SMG5: variants seen among roughly 807,000 people sequenced by gnomAD.
The protein encoded by SMG5 is nonsense-mediated mRNA decay factor SMG5.
A neutral mutation model predicts 122.9 loss-of-function variants in SMG5; 53 were observed. The ratio of observed to expected loss-of-function variants is 0.43; its 90% CI spans 0.35 to 0.54. SMG5 has a LOEUF of 0.54. Ranked by LOEUF, SMG5 falls within the 20% of genes least tolerant of loss-of-function variation. The pLI is 0.01. For synonymous variants in SMG5, 477 were observed against 490.2 expected (o/e 0.97, Z 0.35); for missense variants, 1,153 against 1,285.6 (o/e 0.90, Z 1.58).
rs771353699 is a variant in SMG5, at chr1:156,263,507, C to T, written c.1919G>A (p.Arg640His). 2.8e-5 allele frequency: 45 copies of T among 1,614,140 alleles called. No homozygotes were observed. Among genetic ancestry groups the T allele is most frequent in the African/African-American group, 8.0e-5 (6 of 74,944 alleles). The change falls in exon 13 of 22, where the codon CGC (arginine) becomes CAC (histidine). Residue 640 changes from arginine (R) to histidine (H), a missense_variant. By Grantham distance (29) the Arg-to-His change is conservative. This residue lies in a region of SMG5 where 631 missense variants were observed against 650.6 expected (regional missense o/e 0.97). Coordinates refer to ENST00000361813, the MANE Select transcript of SMG5 (RefSeq NM_015327.3). The stretch of plus-strand genomic sequence containing the variant: ...GACCTGAAGCTTCTCCTGGATGCTG[C>T]GCTCATTCCGACAGGAGCGTCCACT... The part of the protein sequence containing the change: ...ESSGRSCRNE[R>H]SIQEKLQVLM...
rs565176850 is a variant in SMG5 at position 156,274,776 on chromosome 1, G to A, written c.455-90C>T. On this transcript the variant is annotated intron_variant, in intron 4 of 21. Transcript: ENST00000361813. ...TACCCCTCCGAGATGTAGAGACTAA[G>A]AATCCAGGGCCAGTCTTGGAACATT... 8 of 999,008 alleles carry A rather than the reference G, an allele frequency of 8.0e-6. No homozygotes were observed. In the African/African-American group the frequency reaches 1.1e-4, roughly 14 times the overall value. 61.9% of individuals were successfully genotyped at this position (999,008 alleles called of 1,614,324 possible). A position where few individuals can be genotyped will look rare whatever the true frequency, so the allele number is the denominator to read the frequency against.
chr1:156,278,163 C>T, intron 2 of SMG5, 115 bp from the exon 3 acceptor site: 1 of 1,359,042 alleles, frequency 7.4e-7, no homozygotes, highest in Non-Finnish European at 1.0e-6. Context: ...CGGTGCTTCC[C>T]AAGAGACATG....
Position 156,261,359 on chromosome 1 carries a change from G to A in SMG5, c.2081C>T (p.Pro694Leu). Reference sequence around the variant, plus strand: ...AGACTCCTGGAGTTCACCAGCAGCAGGCAACAGATTCAGCAACACAGACAG... The same window carrying A: ...AGACTCCTGGAGTTCACCAGCAGCAAGCAACAGATTCAGCAACACAGACAG... Reference protein sequence around the residue: ...NRLSVLLNLLPAAGELQESGL... With the variant: ...NRLSVLLNLLLAAGELQESGL... Residue 694 changes from proline to leucine, a missense_variant, in exon 14 of 22, where the codon CCT becomes CTT. Pro to Leu is a moderately conservative substitution (Grantham distance 98). Transcript: ENST00000361813. The A allele has an allele frequency of 6.2e-7, 1 of 1,614,192 alleles. No homozygotes were observed.
At chr1:156,285,229 G>A (rs756975602), upstream of SMG5, 13 of 1,528,230 alleles carry the variant, frequency 8.5e-6, no homozygotes, top group Admixed American at 2.9e-4. Context: ...GCCCCAGGAT[G>A]ACAGAACAGG....
At chr1:156,267,373 CT>C in intron 10 of SMG5, 96 bp downstream of exon 10, 1 of 1,264,840 alleles carries the variant, frequency 7.9e-7, no homozygotes, top group Admixed American at 1.9e-5. Flanking sequence ...GAAGAGGCTG[CT>C]TGTGGAAGGA....
chr1:156,269,511 C>T (rs1304664730), intron 7 of SMG5, among the ~76,000 whole-genome samples: 3 of 151,052 alleles, frequency 2.0e-5, no homozygotes, highest in Admixed American at 6.6e-5. Flanking sequence ...CTGAGGCGGG[C>T]GTATCAAGAG....
rs755043869 is a variant in SMG5, at chr1:156,263,479, C to T, written c.1947G>A (p.Leu649=). The change falls in exon 13 of 22, where the codon CTG becomes CTA. Residue 649 remains leucine (L), a synonymous_variant. Coordinates refer to ENST00000361813, the MANE Select transcript of SMG5 (RefSeq NM_015327.3). Reference sequence around the variant, plus strand: ...CAGCAGGAAGCAGACCTTCGGCCATCAGGACCTGAAGCTTCTCCTGGATGC... The same window carrying T: ...CAGCAGGAAGCAGACCTTCGGCCATTAGGACCTGAAGCTTCTCCTGGATGC... ...ERSIQEKLQV[L]MAEGLLPAVK... 6.2e-7 allele frequency: 1 copy of T among 1,614,272 alleles called. No individual in the cohort carries two copies. Among genetic ancestry groups the T allele is most frequent in the Non-Finnish European group, 8.5e-7 (1 of 1,180,050 alleles).
chr1:156,261,289 A>G, intron 14 of SMG5, 44 bp downstream of exon 14: 1 of 1,585,716 alleles, frequency 6.3e-7, no homozygotes. Flanking sequence ...AGTGGGGACA[A>G]TGAGAGAGCA....
chr1:156,275,280 A>G (rs1462095551), intron 4 of SMG5, among the ~76,000 whole-genome samples: 1 of 152,096 alleles, frequency 6.6e-6, no homozygotes, highest in Non-Finnish European at 1.5e-5. Flanking sequence ...CATGAAGGAG[A>G]AAAGTGGGCT....
At chr1:156,256,453 G>A (rs1292798349) in intron 16 of SMG5, among the ~76,000 whole-genome samples, 1 of 151,892 alleles carries the variant, frequency 6.6e-6, no homozygotes, top group Non-Finnish European at 1.5e-5. Flanking sequence ...AAGCAAGGGA[G>A]GCACCATAGA....
chr1:156,287,719 C>T (rs1245905846), upstream of SMG5, among the ~76,000 whole-genome samples: 1 of 150,204 alleles, frequency 6.7e-6, no homozygotes, highest in African/African-American at 2.5e-5. Context: ...TGGGTTCAAG[C>T]GATTCTCCTG....
At chr1:156,268,898 A>T (rs779837448) in intron 7 of SMG5, among the ~76,000 whole-genome samples, 7 of 152,196 alleles carry the variant, frequency 4.6e-5, no homozygotes, top group Non-Finnish European at 7.3e-5. Context: ...GAGGACACAT[A>T]GCCTGTGAGA....
chr1:156,269,735 CGT>C (rs1662315713), intron 7 of SMG5, among the ~76,000 whole-genome samples: 2 of 152,124 alleles, frequency 1.3e-5, no homozygotes, highest in South Asian at 2.1e-4. Context: ...ATTAGCCGGG[CGT>C]GTTGGCAGGC....
chr1:156,289,092 T>C, the SMG5 span, among the ~76,000 whole-genome samples: 5 of 152,336 alleles, frequency 3.3e-5, no homozygotes, highest in Admixed American at 1.3e-4. Context: ...ACAAGTTCAT[T>C]AAGCAGTTTG....
intron 7 of SMG5, among the ~76,000 whole-genome samples, chr1:156,271,349 A>G (rs1380157999): frequency 1.3e-5 from 2 of 152,200 alleles, no homozygotes; most frequent in Non-Finnish European, 2.9e-5. Flanking sequence ...AGCTCATTAT[A>G]TAACTTCTTC....
rs758128721 is a variant in SMG5, at chr1:156,266,042, C to T, written c.1594G>A (p.Glu532Lys). ...RSDLEDMEEE[E>K]GTRSPTLEPP... ...TCCAGGGTTGGTGACCGTGTCCCCT[C>T]CTCTTCCTCCATATCTTCCAAGTCT... Residue 532 changes from glutamate to lysine, a missense_variant, in exon 12 of 22, where the codon GAG becomes AAG. Around this residue, in one of 5 missense-constraint regions of SMG5, gnomAD observed 631 missense variants for 650.6 expected, o/e 0.97. Transcript: ENST00000361813. 4 of 1,614,202 alleles carry T rather than the reference C, an allele frequency of 2.5e-6. No individual in the cohort carries two copies. The highest frequency in any genetic ancestry group is 2.5e-6 in the Non-Finnish European group (3 of 1,180,038).
rs373047075 is a variant in SMG5 at position 156,253,128 on chromosome 1, G to A, written c.2503-50C>T. Reference sequence around the variant, plus strand: ...ACAGCTGTGGGGGACCCCTGCAGCCGGGCCGGGGGAAGAGTGGTGCTCAAG... The same window carrying A: ...ACAGCTGTGGGGGACCCCTGCAGCCAGGCCGGGGGAAGAGTGGTGCTCAAG... On this transcript the variant is annotated intron_variant, in intron 17 of 21. Transcript: ENST00000361813. 1.6e-4 allele frequency: 237 copies of A among 1,514,750 alleles called. 1 individual carries two copies. Among genetic ancestry groups the A allele is most frequent in the East Asian group, 8.1e-4 (35 of 43,392 alleles). The allele number at this position is 1,514,750 out of a possible 1,614,324, so 93.8% of individuals were successfully genotyped here. A position where few individuals can be genotyped will look rare whatever the true frequency, so the allele number is the denominator to read the frequency against.
Position 156,249,752 on chromosome 1 carries a change from C to G in SMG5, c.*835G>C, listed in dbSNP as rs1335163336. 6.4e-6 allele frequency: 3 copies of G among 470,690 alleles called. No individual in the cohort carries two copies. Among genetic ancestry groups the G allele is most frequent in the South Asian group, 1.5e-5 (1 of 64,548 alleles). 29.2% of individuals were successfully genotyped at this position (470,690 alleles called of 1,614,324 possible). Reference sequence around the variant, plus strand: ...GGGTGGTGGCCTCAGACTGCACCCCCTTTCTTCTCTTCCTGGCATCCCATT... The same window carrying G: ...GGGTGGTGGCCTCAGACTGCACCCCGTTTCTTCTCTTCCTGGCATCCCATT... On this transcript the variant is annotated 3_prime_UTR_variant, in exon 22 of 22. Coordinates refer to ENST00000361813, the MANE Select transcript of SMG5 (RefSeq NM_015327.3).
In SMG5 at chr1:156,252,468, G is replaced by A. The variant is rs762018119; in HGVS notation, c.2699C>T (p.Pro900Leu). 1 of 1,614,084 alleles carries A rather than the reference G, an allele frequency of 6.2e-7. No homozygotes were observed. Among genetic ancestry groups the A allele is most frequent in the Non-Finnish European group, 8.5e-7 (1 of 1,180,012 alleles). Residue 900 changes from proline (P) to leucine (L), a missense_variant, in exon 19 of 22, where the codon CCA becomes CTA. Physicochemically the swap from Pro to Leu is moderately conservative, Grantham distance 98. This residue lies in a region of SMG5 where 140 missense variants were observed against 227.8 expected (regional missense o/e 0.61). Coordinates refer to ENST00000361813, the MANE Select transcript of SMG5 (RefSeq NM_015327.3). ...DGLDLLKKEH[P>L]GARDGIRYLE... Reference sequence around the variant, plus strand: ...GTACCGAATCCCATCCCGGGCCCCTGGGTGTTCCTTCTTCAGCAAATCCAG... The same window carrying A: ...GTACCGAATCCCATCCCGGGCCCCTAGGTGTTCCTTCTTCAGCAAATCCAG...
Sources: allele counts gnomAD v4.1 joint callset (sites outside exome capture counted in the v4.1 genomes callset), GRCh38; gene constraint gnomAD v4.1.1; regional missense constraint gnomAD v4.1.1; transcripts MANE v1.5; gene names NCBI Gene and HGNC (gene_info 2026-07-23, HGNC 2026-07-21).